REXO1: variants seen among roughly 807,000 people sequenced by gnomAD.
The protein encoded by REXO1 is RNA exonuclease 1 homolog, also known as REX1, RNA exonuclease 1 homolog.
Under a neutral mutation model 102.6 loss-of-function variants are expected in REXO1, and 42 were observed. That is an observed-to-expected ratio of 0.41 (90% confidence interval 0.32 to 0.53). REXO1 has a LOEUF of 0.53. REXO1 is among the 20% of genes least tolerant of loss of function. The probability of loss-of-function intolerance (pLI) is 0.27; values close to 1 mark genes in which losing one functional copy is unlikely to be tolerated. For synonymous variants in REXO1, 908 were observed against 779.1 expected (o/e 1.17, Z -2.76); for missense variants, 1,819 against 1,732.5 (o/e 1.05, Z -0.89).
intron 3 of REXO1, among the ~76,000 whole-genome samples, chr19:1,825,081 C>T (rs1266197325): frequency 6.8e-6 from 1 of 146,572 alleles, no homozygotes; most frequent in African/African-American, 2.5e-5. Context: ...TTTGGGAGGC[C>T]GAGGTAGGCA....
chr19:1,821,687 C>A lies in REXO1; in HGVS notation c.2231-5G>T. On this transcript the variant is annotated splice_region_variant and splice_polypyrimidine_tract_variant and intron_variant, in intron 4 of 15. Coordinates refer to ENST00000170168, the MANE Select transcript of REXO1 (RefSeq NM_020695.4). ...TCCTCTTGGCACCTGTGGGGGCTGGCGGGGCACAGGGGGTGTGGGCACAGG... is the reference window on the plus strand; with the variant it reads ...TCCTCTTGGCACCTGTGGGGGCTGGAGGGGCACAGGGGGTGTGGGCACAGG... 1 of 1,607,898 alleles carries A rather than the reference C, an allele frequency of 6.2e-7. No homozygotes were observed. The highest frequency in any genetic ancestry group is 8.5e-7 in the Non-Finnish European group (1 of 1,178,486).
intron 1 of REXO1, among the ~76,000 whole-genome samples, chr19:1,841,813 C>T (rs2011296024): frequency 6.6e-6 from 1 of 152,180 alleles, no homozygotes; most frequent in Admixed American, 6.5e-5. Context: ...CCCCAGCGAG[C>T]TGCTCTGCCT....
At chr19:1,817,387 C>T in intron 11 of REXO1, 58 bp from the exon 12 acceptor site, 2 of 1,595,190 alleles carry the variant, frequency 1.3e-6, no homozygotes, top group Non-Finnish European at 1.7e-6. Context: ...GCGGGGGTGG[C>T]AGCAGCAGCA....
chr19:1,844,428 C>T (rs2011443598), intron 1 of REXO1, among the ~76,000 whole-genome samples: 1 of 152,222 alleles, frequency 6.6e-6, no homozygotes, highest in Admixed American at 6.5e-5. Flanking sequence ...AGGACCCCTG[C>T]CTGACCCGAC....
Position 1,828,430 on chromosome 19 carries a change from C to T in REXO1, c.359G>A (p.Arg120His), listed in dbSNP as rs1020924361. The change falls in exon 2 of 16, where the codon CGC becomes CAC. Residue 120 changes from arginine (R) to histidine (H), a missense_variant. Coordinates refer to ENST00000170168, the MANE Select transcript of REXO1 (RefSeq NM_020695.4). ...CGCCAGGGCGGGGGCCTCGGCGGAG[C>T]GGTGCTCACGGGTCGTCTCCAGCAG... is the stretch of plus-strand genomic sequence containing the variant. Reference protein sequence around the residue: ...RELLETTREHRSAEAPALAPR... With the variant: ...RELLETTREHHSAEAPALAPR... The T allele has an allele frequency of 1.4e-5, 23 of 1,608,720 alleles. No individual in the cohort carries two copies. Among genetic ancestry groups the T allele is most frequent in the Middle Eastern group, 1.7e-4 (1 of 6,054 alleles).
intron 5 of REXO1, among the ~76,000 whole-genome samples, 198 bp from the exon 6 acceptor site, chr19:1,820,593 G>C (rs547587236): frequency 6.6e-6 from 1 of 152,330 alleles, no homozygotes; most frequent in Non-Finnish European, 1.5e-5. Context: ...CGGAACTAAG[G>C]TCATGGGAAA....
intron 1 of REXO1, among the ~76,000 whole-genome samples, chr19:1,847,727 C>T (rs545870098): frequency 3.9e-5 from 6 of 152,344 alleles, no homozygotes; most frequent in Admixed American, 1.3e-4. Context: ...ACCATCCTAA[C>T]TCAACGACTG....
At position 1,827,761 on chromosome 19, in the gene REXO1, T is replaced by C; in HGVS notation, c.1028A>G (p.Gln343Arg). 6.3e-7 allele frequency: 1 copy of C among 1,577,172 alleles called. No homozygotes were observed. The highest frequency in any genetic ancestry group is 8.5e-7 in the Non-Finnish European group (1 of 1,170,706). Residue 343 changes from glutamine (Q) to arginine (R), a missense_variant, in exon 2 of 16, where the codon CAG becomes CGG. Physicochemically the swap from Gln to Arg is conservative, Grantham distance 43. Transcript: ENST00000170168. ...GLRETKETAV[Q>R]CDVGDLQPPP... Reference sequence around the variant, plus strand: ...CGGCTGGAGGTCCCCCACGTCGCACTGCACGGCCGTCTCCTTGGTCTCCCG... The same window carrying C: ...CGGCTGGAGGTCCCCCACGTCGCACCGCACGGCCGTCTCCTTGGTCTCCCG...
chr19:1,843,253 A>G (rs1176024253), intron 1 of REXO1, among the ~76,000 whole-genome samples: 2 of 142,180 alleles, frequency 1.4e-5, no homozygotes, highest in East Asian at 2.1e-4. Context: ...CAAAGCTTCA[A>G]CCCCCCGCCC....
intron 5 of REXO1, among the ~76,000 whole-genome samples, chr19:1,821,034 A>G (rs900757370): frequency 6.7e-6 from 1 of 149,608 alleles, no homozygotes; most frequent in African/African-American, 2.5e-5. Flanking sequence ...AAAAAAACAA[A>G]ACAAGACAAA....
chr19:1,844,494 T>C (rs1321047594), intron 1 of REXO1, among the ~76,000 whole-genome samples: 1 of 152,060 alleles, frequency 6.6e-6, no homozygotes, highest in African/African-American at 2.4e-5. Flanking sequence ...TCAGGAGATA[T>C]TGGGTACACG....
At chr19:1,828,688 T>C (rs1017560042) in intron 1 of REXO1, 57 bp from the exon 2 acceptor site, 2 of 1,521,956 alleles carry the variant, frequency 1.3e-6, no homozygotes, top group Non-Finnish European at 8.8e-7. Flanking sequence ...GCCCGCAGCA[T>C]GGGGGCGGCC....
rs760134970 is a variant in REXO1 at position 1,827,555 on chromosome 19, G to A, written c.1234C>T (p.Arg412Cys). 31 of 1,594,332 alleles carry A rather than the reference G, an allele frequency of 1.9e-5. No homozygotes were observed. The highest frequency in any genetic ancestry group is 1.1e-4 in the East Asian group (5 of 44,686). Residue 412 changes from arginine to cysteine, a missense_variant, in exon 2 of 16, where the codon CGT becomes TGT. Coordinates refer to ENST00000170168, the MANE Select transcript of REXO1 (RefSeq NM_020695.4). ...GCCTGCGGGCCCTTCTTGTCCGCAC[G>A]GGGCTTCTCCACAGGCCGCCCTCGG... ...KGRGRPVEKP[R>C]ADKKGPQASS...
chr19:1,841,579 G>A (rs577842176), intron 1 of REXO1, among the ~76,000 whole-genome samples: 6 of 152,310 alleles, frequency 3.9e-5, no homozygotes, highest in African/African-American at 1.2e-4. Context: ...CCTTCCTAGC[G>A]AGCTCTGCCC....
At position 1,827,186 on chromosome 19, in the gene REXO1, C is replaced by A. The variant is rs2069756558; in HGVS notation, c.1603G>T (p.Val535Leu). Residue 535 changes from valine to leucine, a missense_variant, in exon 2 of 16, where the codon GTG (valine) becomes TTG (leucine). Physicochemically the swap from Val to Leu is conservative, Grantham distance 32. Coordinates refer to ENST00000170168, the MANE Select transcript of REXO1 (RefSeq NM_020695.4). ...ESEDEAAGPG[V>L]PSVWPSALPS... ...AGGGCAGAGGGCCACACGCTCGGCA[C>A]CCCTGGCCCTGCGGCCTCGTCCTCA... The A allele has an allele frequency of 6.5e-7, 1 of 1,540,794 alleles. No individual in the cohort carries two copies. The highest frequency in any genetic ancestry group is 1.2e-5 in the South Asian group (1 of 84,056).
At chr19:1,829,994 C>T (rs1327805698) in intron 1 of REXO1, among the ~76,000 whole-genome samples, 1 of 152,144 alleles carries the variant, frequency 6.6e-6, no homozygotes, top group Non-Finnish European at 1.5e-5. Context: ...ACATGAGACT[C>T]GCATGTTATT....
chr19:1,832,896 C>A (rs1201497295), intron 1 of REXO1, among the ~76,000 whole-genome samples: 17 of 124,436 alleles, frequency 1.4e-4, no homozygotes, highest in Non-Finnish European at 2.2e-4. Flanking sequence ...AGCCTGGCGA[C>A]AGAGCAAGAC....
intron 1 of REXO1, among the ~76,000 whole-genome samples, chr19:1,831,858 AAAAAAAAAAG>A (rs1568707350): frequency 3.5e-5 from 2 of 56,396 alleles, no homozygotes; most frequent in Admixed American, 1.7e-4. Flanking sequence ...AAAAAAAAAA[AAAAAAAAAAG>A]AAAGAAAAAG....
chr19:1,818,170 G>A lies in REXO1; in HGVS notation c.3016+312C>T, dbSNP rs187875174. Among the ~76,000 whole-genome samples the A allele has an allele frequency of 4.1e-3, 625 of 152,338 alleles. 2 individuals carry two copies. The highest frequency in any genetic ancestry group is 0.024 in the Middle Eastern group (7 of 294). ...GGCCAAGGGTGGGACAAGCCCCTCCGCTCCTGGGGCCAGCAACCTCCACAT... is the reference window on the plus strand; with the variant it reads ...GGCCAAGGGTGGGACAAGCCCCTCCACTCCTGGGGCCAGCAACCTCCACAT... On this transcript the variant is annotated intron_variant, in intron 10 of 15. Transcript: ENST00000170168.
Sources: gnomAD v4.1 joint callset for allele counts (sites outside exome capture counted in the v4.1 genomes callset) on GRCh38, gnomAD v4.1.1 for gene constraint, MANE v1.5 for transcripts, NCBI Gene and HGNC (gene_info 2026-07-23, HGNC 2026-07-21) for gene names.